The following NRG2 variants were observed in gnomAD, a reference collection of about 807,000 sequenced individuals.
NRG2 encodes the protein neuregulin 2, also known as pro-neuregulin-2, membrane-bound isoform.
In NRG2, 27 loss-of-function variants were observed where a neutral mutation model predicts 73.9. The observed-to-expected ratio is 0.37, with a 90% CI of 0.27 to 0.50. The LOEUF (loss-of-function observed/expected upper bound fraction) is 0.50, where lower values mean the gene tolerates loss of function less well. Ranked by LOEUF, NRG2 falls within the 20% of genes least tolerant of loss-of-function variation. NRG2 has a pLI of 0.96. For synonymous variants in NRG2, 532 were observed against 541.0 expected, an observed-to-expected ratio of 0.98 and a Z score of 0.23; for missense variants, 1,126 against 1,210.1, an observed-to-expected ratio of 0.93 and a Z score of 1.03.
chr5:139,905,381 G>A (rs945496527), intron 1 of NRG2, among the ~76,000 whole-genome samples: 1 of 152,206 alleles, frequency 6.6e-6, no homozygotes, highest in Non-Finnish European at 1.5e-5. Context: ...CTCTGCCTGA[G>A]GTGTCCCCTT....
At chr5:140,040,435 T>A (rs1183482781) in intron 1 of NRG2, among the ~76,000 whole-genome samples, 1 of 152,172 alleles carries the variant, frequency 6.6e-6, no homozygotes, top group Non-Finnish European at 1.5e-5. Context: ...CATTCAACTG[T>A]TAAGCTACTG....
chr5:139,964,073 G>A (rs1430564335), intron 1 of NRG2, among the ~76,000 whole-genome samples: 1 of 152,084 alleles, frequency 6.6e-6, no homozygotes, highest in Non-Finnish European at 1.5e-5. Flanking sequence ...CTGACTCTTG[G>A]ACAAGCCCAG....
chr5:139,923,756 T>C (rs17118539), intron 1 of NRG2, among the ~76,000 whole-genome samples: 30,029 of 151,880 alleles, frequency 0.2, 3,343 homozygotes, highest in African/African-American at 0.31. Flanking sequence ...GCCTGACAAA[T>C]GAGAGATGAA....
At chr5:139,973,368 T>C (rs1289546929) in intron 1 of NRG2, among the ~76,000 whole-genome samples, 1 of 151,812 alleles carries the variant, frequency 6.6e-6, no homozygotes, top group South Asian at 2.1e-4. Flanking sequence ...CTCATATACT[T>C]TTTTTTTGAG....
intron 1 of NRG2, among the ~76,000 whole-genome samples, chr5:139,906,347 A>G (rs1375650825): frequency 1.3e-5 from 2 of 152,052 alleles, no homozygotes; most frequent in East Asian, 1.9e-4. Flanking sequence ...CACTTCACTC[A>G]TTGTAACCCA....
intron 1 of NRG2, among the ~76,000 whole-genome samples, chr5:139,950,842 T>C (rs1391906277): frequency 6.6e-6 from 1 of 152,234 alleles, no homozygotes; most frequent in Non-Finnish European, 1.5e-5. Flanking sequence ...ATCACTTTGA[T>C]GATCACTGCC....
At chr5:140,002,249 T>C (rs886294521) in intron 1 of NRG2, among the ~76,000 whole-genome samples, 30 of 152,210 alleles carry the variant, frequency 2.0e-4, no homozygotes, top group African/African-American at 6.0e-4. Flanking sequence ...CAAAATTTTT[T>C]GTCCTCTTGA....
rs1762641252 is a variant in NRG2, at chr5:139,868,578, G to A, written c.1113-2953C>T. ...AGAAGAGCAGGGTGAGAGAGGGGCA[G>A]AGAGGAGAGCCCACGGGCTGCATCT... On this transcript the variant is annotated intron_variant, in intron 4 of 9. Coordinates refer to ENST00000361474, the MANE Select transcript of NRG2 (RefSeq NM_004883.3). This position sits in a 1 kb window ranked among gnomAD's most constrained non-coding sequence, Gnocchi z 4.2. Among the ~76,000 whole-genome samples, 1 of 152,088 alleles carries A rather than the reference G, an allele frequency of 6.6e-6. No homozygotes were observed. The highest frequency in any genetic ancestry group is 2.4e-5 in the African/African-American group (1 of 41,406).
chr5:139,876,925 CTGTGTGTG>C (rs3082489), intron 3 of NRG2, among the ~76,000 whole-genome samples: 223 of 142,000 alleles, frequency 1.6e-3, no homozygotes, highest in African/African-American at 4.6e-3. Context: ...GAATGTGCAT[CTGTGTGTG>C]TGTGTGTGTG....
chr5:139,969,837 G>A (rs149177864), intron 1 of NRG2, among the ~76,000 whole-genome samples: 3 of 152,140 alleles, frequency 2.0e-5, no homozygotes, highest in African/African-American at 7.2e-5. Flanking sequence ...TGCCTTTCCC[G>A]TCCTTACTGG....
At chr5:140,031,519 T>C (rs908682351) in intron 1 of NRG2, among the ~76,000 whole-genome samples, 17 of 152,186 alleles carry the variant, frequency 1.1e-4, no homozygotes, top group Admixed American at 1.3e-4. Context: ...TAAAATCAAA[T>C]CAACCAATAA....
Position 139,904,691 on chromosome 5 carries a change from C to T in NRG2, c.701-17180G>A, listed in dbSNP as rs1019163734. Among the ~76,000 whole-genome samples the T allele has an allele frequency of 6.6e-6, 1 of 152,138 alleles. No homozygotes were observed. The highest frequency in any genetic ancestry group is 2.4e-5 in the African/African-American group (1 of 41,454). Reference sequence around the variant, plus strand: ...GCCTAAACAGGGCGCCACAGACCTCCTCGCCGAAGAGGGGGCTTGAGCTGG... The same window carrying T: ...GCCTAAACAGGGCGCCACAGACCTCTTCGCCGAAGAGGGGGCTTGAGCTGG... On this transcript the variant is annotated intron_variant, in intron 1 of 9. Transcript: ENST00000361474. The surrounding 1 kb of genome is among the most constrained non-coding windows in gnomAD (Gnocchi z 6.0).
chr5:139,914,617 T>C (rs1213916213), intron 1 of NRG2, among the ~76,000 whole-genome samples: 1 of 152,242 alleles, frequency 6.6e-6, no homozygotes, highest in Non-Finnish European at 1.5e-5. Context: ...ACATACCTCA[T>C]AGCCTCATTC....
rs147727855 is a variant in NRG2 at position 140,007,463 on chromosome 5, A to T, written c.700+34907T>A. On this transcript the variant is annotated intron_variant, in intron 1 of 9. Coordinates refer to ENST00000361474, the MANE Select transcript of NRG2 (RefSeq NM_004883.3). ...AGACACAAGCAGAACACAGCTTAGGATCAAGAGCTCAGAAAGAGGAGATCA... is the reference window on the plus strand; with the variant it reads ...AGACACAAGCAGAACACAGCTTAGGTTCAAGAGCTCAGAAAGAGGAGATCA... Among the ~76,000 whole-genome samples, 643 of 152,126 alleles carry T rather than the reference A, an allele frequency of 4.2e-3. 5 individuals carry two copies. Among genetic ancestry groups the T allele is most frequent in the Non-Finnish European group, 4.9e-3 (334 of 68,008 alleles).
intron 1 of NRG2, among the ~76,000 whole-genome samples, chr5:139,939,219 C>G: frequency 6.9e-6 from 1 of 144,606 alleles, no homozygotes. Context: ...TTCCTTCCTT[C>G]CTTCCTTCCT....
At chr5:139,916,440 T>G (rs946994534) in intron 1 of NRG2, among the ~76,000 whole-genome samples, 1 of 152,204 alleles carries the variant, frequency 6.6e-6, no homozygotes, top group African/African-American at 2.4e-5. Context: ...TTAAAGTATA[T>G]AATTCACTTT....
intron 1 of NRG2, among the ~76,000 whole-genome samples, chr5:139,895,487 G>A (rs548964443): frequency 6.6e-6 from 1 of 152,314 alleles, no homozygotes; most frequent in Middle Eastern, 3.4e-3. Flanking sequence ...CAGTGCTTGT[G>A]GCACAGGCTG....
At chr5:139,916,585 T>C (rs1413813745) in intron 1 of NRG2, among the ~76,000 whole-genome samples, 6 of 152,278 alleles carry the variant, frequency 3.9e-5, no homozygotes, top group Admixed American at 3.3e-4. Flanking sequence ...CAACCACTGA[T>C]TGACTTTCTG....
chr5:140,023,800 C>A (rs1035095378), intron 1 of NRG2, among the ~76,000 whole-genome samples: 5 of 152,152 alleles, frequency 3.3e-5, no homozygotes, highest in African/African-American at 1.2e-4. Context: ...TTTGCTATAG[C>A]CAAAAAGCCT....
Sources: allele counts gnomAD v4.1 joint callset (sites outside exome capture counted in the v4.1 genomes callset), GRCh38; gene constraint gnomAD v4.1.1; non-coding constraint Gnocchi (gnomAD v3.1); transcripts MANE v1.5; gene names NCBI Gene and HGNC (gene_info 2026-07-23, HGNC 2026-07-21).